Variants in TNRC6A observed in about 807,000 individuals in gnomAD.
TNRC6A encodes trinucleotide repeat containing adaptor 6A.
Under a neutral mutation model 221.2 loss-of-function variants are expected in TNRC6A, and 44 were observed. The ratio of observed to expected loss-of-function variants is 0.20; its 90% CI spans 0.16 to 0.26. The LOEUF (loss-of-function observed/expected upper bound fraction) is 0.26. Among genes scored for constraint, TNRC6A ranks in the 10% least tolerant of loss-of-function variants. TNRC6A has a pLI of 1.00. For synonymous variants in TNRC6A, 847 were observed against 838.5 expected, an observed-to-expected ratio of 1.01 and a Z score of -0.18; for missense variants, 2,199 against 2,404.4, an observed-to-expected ratio of 0.91 and a Z score of 1.79.
At chr16:24,610,527 C>T (rs888841022) in intron 1 of TNRC6A, 2 of 152,278 alleles carry the variant, frequency 1.3e-5, no homozygotes, top group Non-Finnish European at 2.9e-5. Context: ...CGAAGCTTTC[C>T]TCAACTGCCT....
chr16:24,735,625 A>C (rs1051257549), intron 2 of TNRC6A, among the ~76,000 whole-genome samples: 1 of 152,252 alleles, frequency 6.6e-6, no homozygotes, highest in Admixed American at 6.5e-5. Flanking sequence ...AATGTGTAAC[A>C]ACCCTCTGTG....
At chr16:24,686,055 C>T (rs2055619306) in intron 2 of TNRC6A, among the ~76,000 whole-genome samples, 1 of 152,184 alleles carries the variant, frequency 6.6e-6, no homozygotes, top group Non-Finnish European at 1.5e-5. Context: ...CTGGACATTT[C>T]TAGTGAAAAC....
intron 11 of TNRC6A, among the ~76,000 whole-genome samples, chr16:24,802,745 C>A (rs2058354661): frequency 6.6e-6 from 1 of 152,056 alleles, no homozygotes; most frequent in Admixed American, 6.5e-5. Context: ...AGACTGAGAC[C>A]CTGAGTCTAC....
intron 1 of TNRC6A, among the ~76,000 whole-genome samples, chr16:24,625,467 C>T (rs1346694748): frequency 6.6e-6 from 1 of 151,892 alleles, no homozygotes; most frequent in Non-Finnish European, 1.5e-5. Flanking sequence ...TAAAAATTAG[C>T]TCGATCCCAG....
chr16:24,627,467 A>G (rs939667905), intron 1 of TNRC6A, among the ~76,000 whole-genome samples: 1 of 151,916 alleles, frequency 6.6e-6, no homozygotes, highest in East Asian at 1.9e-4. Context: ...AAAATTAATT[A>G]ATTATCTTAA....
intron 23 of TNRC6A, 30 bp downstream of exon 23, chr16:24,822,177 G>A: frequency 6.2e-7 from 1 of 1,607,374 alleles, no homozygotes; most frequent in Non-Finnish European, 8.5e-7. Context: ...TGGTTTATGT[G>A]GCTACGCCAG....
At chr16:24,683,371 A>G (rs2055569468) in intron 2 of TNRC6A, among the ~76,000 whole-genome samples, 1 of 152,030 alleles carries the variant, frequency 6.6e-6, no homozygotes, top group Non-Finnish European at 1.5e-5. Context: ...AATTTTTTAA[A>G]TTATTTTGTA....
rs1043519125 is a variant in TNRC6A, at chr16:24,765,487, T to G, written c.163+7127T>G. 3.9e-5 allele frequency among the ~76,000 whole-genome samples: 6 copies of G among 152,342 alleles called. No individual in the cohort carries two copies. The East Asian group carries it at 1.2e-3, about 29-fold the overall frequency. On this transcript the variant is annotated intron_variant, in intron 4 of 24. Transcript: ENST00000395799. ...TAGTTCACTGTTTTTCTCCACAGTC[T>G]ACATAGTAGAAATGATTTTTGTGTT...
intron 4 of TNRC6A, among the ~76,000 whole-genome samples, chr16:24,771,574 A>ATGT (rs1187233845): frequency 0.013 from 1,280 of 97,960 alleles, 94 homozygotes; most frequent in East Asian, 0.12. Context: ...ATGTTATGTT[A>ATGT]TGTTATGTTG....
intron 2 of TNRC6A, chr16:24,662,961 C>A (rs1175068785): frequency 6.5e-6 from 1 of 153,744 alleles, no homozygotes; most frequent in Admixed American, 6.5e-5. Context: ...TCATCAGCAT[C>A]ACCTCCATGA....
Position 24,791,119 on chromosome 16 carries a change from A to G in TNRC6A, c.2477A>G (p.Lys826Arg). The change falls in exon 6 of 25, where the codon AAG (lysine) becomes AGG (arginine). Residue 826 changes from lysine to arginine, a missense_variant. Around this residue, in one of 8 missense-constraint regions of TNRC6A, gnomAD observed 1,405 missense variants for 1,400.2 expected, o/e 1.00. Transcript: ENST00000395799. ...CAGTGGGGGAATTGCAAAGAGGAGA[A>G]GGCTGCATGGAATGACTCGCAAAAG... is the stretch of plus-strand genomic sequence containing the variant. ...SNQWGNCKEE[K>R]AAWNDSQKNK... 6.2e-7 allele frequency: 1 copy of G among 1,614,010 alleles called. No homozygotes were observed. Among genetic ancestry groups the G allele is most frequent in the Non-Finnish European group, 8.5e-7 (1 of 1,179,934 alleles).
intron 2 of TNRC6A, among the ~76,000 whole-genome samples, chr16:24,655,184 T>C (rs2054884201): frequency 6.6e-6 from 1 of 151,870 alleles, no homozygotes; most frequent in South Asian, 2.1e-4. Context: ...GTAGAGGCTA[T>C]AGTGAGAAGT....
chr16:24,656,445 C>G (rs1438863378), intron 2 of TNRC6A, among the ~76,000 whole-genome samples: 1 of 118,998 alleles, frequency 8.4e-6, no homozygotes, highest in Non-Finnish European at 1.6e-5. Flanking sequence ...CCAGCCTGGG[C>G]AACAGAGCGA....
intron 2 of TNRC6A, among the ~76,000 whole-genome samples, chr16:24,708,404 C>T (rs1473308115): frequency 6.6e-6 from 1 of 152,032 alleles, no homozygotes; most frequent in Admixed American, 6.6e-5. Context: ...CCACGCCCGG[C>T]TAATTTTTTT....
At chr16:24,748,246 T>C (rs764740761) in intron 2 of TNRC6A, among the ~76,000 whole-genome samples, 6 of 152,260 alleles carry the variant, frequency 3.9e-5, no homozygotes, top group Non-Finnish European at 8.8e-5. Context: ...TATTTTTAAC[T>C]AGTAATCAGC....
chr16:24,801,158 A>C (rs949194542), intron 11 of TNRC6A, among the ~76,000 whole-genome samples: 1 of 152,184 alleles, frequency 6.6e-6, no homozygotes, highest in Non-Finnish European at 1.5e-5. Flanking sequence ...GGGGCTGGTG[A>C]TATGAAGTGT....
intron 9 of TNRC6A, 116 bp downstream of exon 9, chr16:24,796,055 G>C (rs766993095): frequency 1.2e-5 from 13 of 1,128,614 alleles, no homozygotes; most frequent in Non-Finnish European, 1.7e-5. Flanking sequence ...TGGTGCTGGG[G>C]ATTCAAATAC....
chr16:24,639,953 GGCC>G (rs1901851370), intron 1 of TNRC6A, among the ~76,000 whole-genome samples: 1 of 152,122 alleles, frequency 6.6e-6, no homozygotes. Context: ...CATGGCACTT[GGCC>G]CAGTCACTGT....
At chr16:24,792,785 ATTTTTTT>A in intron 6 of TNRC6A, among the ~76,000 whole-genome samples, 1 of 120,428 alleles carries the variant, frequency 8.3e-6, no homozygotes, top group Middle Eastern at 4.7e-3. Flanking sequence ...TTGTGGCACA[ATTTTTTT>A]TTTTTTTTTT....
Sources: gnomAD v4.1 joint callset for allele counts (sites outside exome capture counted in the v4.1 genomes callset) on GRCh38, gnomAD v4.1.1 for gene constraint, gnomAD v4.1.1 regional missense constraint, MANE v1.5 for transcripts, NCBI Gene and HGNC (gene_info 2026-07-23, HGNC 2026-07-21) for gene names.